The following RASGRF1 variants were observed in gnomAD, a reference collection of about 807,000 sequenced individuals.
RASGRF1 encodes Ras protein specific guanine nucleotide releasing factor 1, also known as ras-specific guanine nucleotide-releasing factor 1.
A neutral mutation model predicts 138.7 loss-of-function variants in RASGRF1; 40 were observed. The observed-to-expected ratio is 0.29, with a 90% confidence interval of 0.22 to 0.38. RASGRF1 has a LOEUF of 0.38. Among genes scored for constraint, RASGRF1 ranks in the 10% least tolerant of loss-of-function variants. The pLI is 1.00. For synonymous variants in RASGRF1, 614 were observed against 663.2 expected (o/e 0.93, Z 1.14); for missense variants, 1,108 against 1,650.4 (o/e 0.67, Z 5.69).
chr15:79,076,402 T>C (rs999603830), intron 1 of RASGRF1, among the ~76,000 whole-genome samples: 4 of 152,162 alleles, frequency 2.6e-5, no homozygotes, highest in East Asian at 1.9e-4. Flanking sequence ...ACGTGGTTGT[T>C]GTCATACTAG....
At chr15:78,981,476 G>A (rs1301499382) in intron 23 of RASGRF1, 1 of 152,220 alleles carries the variant, frequency 6.6e-6, no homozygotes, top group Non-Finnish European at 1.5e-5. Context: ...TCAGAATGTG[G>A]CTGAGAAACC....
chr15:78,967,352 G>C (rs926245254), intron 26 of RASGRF1, among the ~76,000 whole-genome samples: 1 of 152,198 alleles, frequency 6.6e-6, no homozygotes, highest in South Asian at 2.1e-4. Flanking sequence ...TCGAGACCAG[G>C]CTGGACAACA....
Position 79,036,983 on chromosome 15 carries a change from A to C in RASGRF1, c.879-1773T>G, listed in dbSNP as rs575398431. On this transcript the variant is annotated intron_variant, in intron 5 of 26. Coordinates refer to ENST00000558480, the MANE Select transcript of RASGRF1 (RefSeq NM_001145648.3). ...GCTCTCACTTCTGAGTGTGGATCCCACCAGTATTGTGAATTGTCTATCATC... is the reference window on the plus strand; with the variant it reads ...GCTCTCACTTCTGAGTGTGGATCCCCCCAGTATTGTGAATTGTCTATCATC... Among the ~76,000 whole-genome samples, 186 of 152,118 alleles carry C rather than the reference A, an allele frequency of 1.2e-3. 1 individual carries two copies. Among genetic ancestry groups the C allele is most frequent in the African/African-American group, 4.2e-3 (175 of 41,502 alleles).
chr15:79,014,841 C>A (rs146282652), intron 13 of RASGRF1, among the ~76,000 whole-genome samples: 1 of 151,476 alleles, frequency 6.6e-6, no homozygotes, highest in Non-Finnish European at 1.5e-5. Flanking sequence ...TATTTGAACC[C>A]GGGAGGCAGA....
Position 78,961,381 on chromosome 15 carries a change from G to A in RASGRF1, c.*763C>T, listed in dbSNP as rs1332718046. 1 of 152,220 alleles carries A rather than the reference G, an allele frequency of 6.6e-6. No homozygotes were observed. Among genetic ancestry groups the A allele is most frequent in the Non-Finnish European group, 1.5e-5 (1 of 68,066 alleles). The allele number at this position is 152,220 out of a possible 1,614,324, so 9.4% of individuals were successfully genotyped here. ...GTTCCCGACTTTCAGTGGATGCTGG[G>A]CCAGTGGTCGGCAAGAGTCGACGTG... On this transcript the variant is annotated 3_prime_UTR_variant, in exon 27 of 27. Transcript: ENST00000558480.
At chr15:79,052,103 C>T (rs938676128) in intron 3 of RASGRF1, among the ~76,000 whole-genome samples, 1 of 152,198 alleles carries the variant, frequency 6.6e-6, no homozygotes, top group African/African-American at 2.4e-5. Flanking sequence ...GCCGACTCCA[C>T]ACCTGGCTCC....
intron 4 of RASGRF1, among the ~76,000 whole-genome samples, chr15:79,048,036 G>C (rs1193308732): frequency 6.6e-6 from 1 of 152,180 alleles, no homozygotes; most frequent in East Asian, 1.9e-4. Context: ...GGCTCCAGGA[G>C]GGTGAAAATA....
Position 78,999,759 on chromosome 15 carries a change from C to T in RASGRF1, c.2730G>A (p.Met910Ile). ...GTPNKEKYRR[M>I]SLASAGFPPD... ...CCCACATACCTGCACTGGCTAAGGACATCCTCCGGTACTTCTCCTTGTTTG... is the reference window on the plus strand; with the variant it reads ...CCCACATACCTGCACTGGCTAAGGATATCCTCCGGTACTTCTCCTTGTTTG... The change falls in exon 17 of 27, where the codon ATG becomes ATA. Residue 910 changes from methionine to isoleucine, a missense_variant. Met to Ile is a conservative substitution (Grantham distance 10, BLOSUM62 1). This residue lies in a region of RASGRF1 where 686 missense variants were observed against 976.7 expected (regional missense o/e 0.70). Coordinates refer to ENST00000558480, the MANE Select transcript of RASGRF1 (RefSeq NM_001145648.3). 1 of 1,613,898 alleles carries T rather than the reference C, an allele frequency of 6.2e-7. No individual in the cohort carries two copies. Among genetic ancestry groups the T allele is most frequent in the African/African-American group, 1.3e-5 (1 of 75,052 alleles).
At chr15:78,980,592 T>C (rs1488024946) in intron 24 of RASGRF1, 28 bp downstream of exon 24, 27 of 1,553,230 alleles carry the variant, frequency 1.7e-5, no homozygotes, top group Non-Finnish European at 2.4e-5. Flanking sequence ...ATTTTAAAAA[T>C]AACAGCGACA....
Position 78,998,809 on chromosome 15 carries a change from C to G in RASGRF1, c.2763G>C (p.Gln921His), listed in dbSNP as rs370780676. ...SLASAGFPPD[Q>H]RNGDKEFVIR... is the part of the protein sequence containing the mutation. ...TCACAAACTCCTTGTCTCCATTCCT[C>G]TGGTCTGGGGGAAACCCTGGCAGCA... The change falls in exon 18 of 27, where the codon CAG becomes CAC. Residue 921 changes from glutamine (Q) to histidine (H), a missense_variant. Gln to His is a conservative substitution (Grantham distance 24). Transcript: ENST00000558480. 4 of 1,613,834 alleles carry G rather than the reference C, an allele frequency of 2.5e-6. No homozygotes were observed. In the African/African-American group the frequency reaches 4.0e-5, roughly 16 times the overall value.
intron 26 of RASGRF1, among the ~76,000 whole-genome samples, chr15:78,965,650 A>G (rs1304120551): frequency 1.3e-5 from 2 of 152,200 alleles, no homozygotes; most frequent in Non-Finnish European, 2.9e-5. Context: ...CAGGAGTTTG[A>G]GACTAGCCTG....
At chr15:79,022,895 C>T (rs2056981294) in intron 10 of RASGRF1, among the ~76,000 whole-genome samples, 1 of 152,210 alleles carries the variant, frequency 6.6e-6, no homozygotes, top group Non-Finnish European at 1.5e-5. Context: ...ACCCTCTGGG[C>T]CGGGCGCGGT....
chr15:79,025,180 A>G (rs925278221), intron 10 of RASGRF1, 134 bp downstream of exon 10: 2 of 1,000,632 alleles, frequency 2.0e-6, no homozygotes, highest in Non-Finnish European at 2.8e-6. Flanking sequence ...GGTTGTGTGT[A>G]TATCTGTGTG....
chr15:79,068,949 G>A (rs746768060), intron 1 of RASGRF1, among the ~76,000 whole-genome samples: 3 of 152,108 alleles, frequency 2.0e-5, no homozygotes, highest in Non-Finnish European at 4.4e-5. Flanking sequence ...AGAGATTCAG[G>A]TCTCAGGGAA....
chr15:79,044,008 G>T (rs1270157101), intron 5 of RASGRF1, among the ~76,000 whole-genome samples: 2 of 152,244 alleles, frequency 1.3e-5, no homozygotes, highest in Non-Finnish European at 2.9e-5. Flanking sequence ...AGTGCACTCA[G>T]ATGCACATTT....
At chr15:79,058,016 T>C (rs1041506694) in intron 3 of RASGRF1, among the ~76,000 whole-genome samples, 1 of 152,246 alleles carries the variant, frequency 6.6e-6, no homozygotes, top group African/African-American at 2.4e-5. Flanking sequence ...TGCCCGTAGA[T>C]AATCTCACTC....
At chr15:78,966,236 T>C (rs1259884735) in intron 26 of RASGRF1, among the ~76,000 whole-genome samples, 3 of 150,062 alleles carry the variant, frequency 2.0e-5, no homozygotes, top group African/African-American at 7.4e-5. Context: ...TTTTTTTTTT[T>C]TTTTTTTTTT....
At chr15:78,972,915 T>G (rs576827917) in intron 25 of RASGRF1, among the ~76,000 whole-genome samples, 78 of 152,248 alleles carry the variant, frequency 5.1e-4, no homozygotes, top group Non-Finnish European at 1.0e-3. Flanking sequence ...TGGGTGTGAA[T>G]GACAGTGTGG....
intron 5 of RASGRF1, among the ~76,000 whole-genome samples, chr15:79,045,317 G>A (rs1373204): frequency 1.3e-5 from 2 of 152,158 alleles, no homozygotes; most frequent in African/African-American, 2.4e-5. Context: ...CAAGGAACAC[G>A]TTCTTCACAT....
Sources: gnomAD v4.1 joint callset for allele counts (sites outside exome capture counted in the v4.1 genomes callset) on GRCh38, gnomAD v4.1.1 for gene constraint, gnomAD v4.1.1 regional missense constraint, MANE v1.5 for transcripts, NCBI Gene and HGNC (gene_info 2026-07-23, HGNC 2026-07-21) for gene names.